The following LOC131768270 variants were observed in gnomAD, a reference collection of about 807,000 sequenced individuals.
the LOC131768270 span, chr5:140,565,735 AC>A: frequency 2.5e-6 from 1 of 394,364 alleles, no homozygotes; most frequent in Middle Eastern, 6.3e-4. Flanking sequence ...TTTCTTTGCC[AC>A]TGCCATCTCA....
At chr5:140,566,707 A>G in the LOC131768270 span, 4 of 577,230 alleles carry the variant, frequency 6.9e-6, no homozygotes, top group Admixed American at 3.2e-5. Flanking sequence ...GCTGTGCCCA[A>G]CGTGGAGAAG....
At chr5:140,568,561 G>A in the LOC131768270 span, 19 of 258,006 alleles carry the variant, frequency 7.4e-5, no homozygotes, top group Non-Finnish European at 8.2e-5. Flanking sequence ...CACTGGAGCT[G>A]GCTAGTCCAG....
the LOC131768270 span, chr5:140,567,374 C>G: frequency 2.5e-6 from 4 of 1,614,200 alleles, no homozygotes; most frequent in Middle Eastern, 1.6e-4. Flanking sequence ...CGCCTTCTCC[C>G]TTCTGGTAGG....
chr5:140,569,050 G>C, the LOC131768270 span: 1 of 167,200 alleles, frequency 6.0e-6, no homozygotes, highest in African/African-American at 2.4e-5. Flanking sequence ...TAAGCAATAA[G>C]ATCTTAATAA....
chr5:140,568,042 C>G, the LOC131768270 span: 25 of 1,613,854 alleles, frequency 1.5e-5, no homozygotes, highest in Non-Finnish European at 2.0e-5. Context: ...TGGTCAACGC[C>G]GTGCTCTCAG....
At chr5:140,567,089 G>A in the LOC131768270 span, 1 of 1,595,960 alleles carries the variant, frequency 6.3e-7, no homozygotes, top group Non-Finnish European at 8.6e-7. Context: ...CTCCTTCCTG[G>A]GAGCTGGCTC....
chr5:140,565,908 CAAG>C, the LOC131768270 span: 1 of 398,826 alleles, frequency 2.5e-6, no homozygotes, highest in Non-Finnish European at 4.4e-6. Context: ...TGGCATTTCT[CAAG>C]AACCAGCTGG....
chr5:140,566,720 A>G, the LOC131768270 span: 2 of 590,846 alleles, frequency 3.4e-6, no homozygotes, highest in Non-Finnish European at 6.0e-6. Flanking sequence ...TGGAGAAGAC[A>G]TTAAGGGACT....
the LOC131768270 span, chr5:140,567,421 C>A: frequency 1.2e-6 from 2 of 1,614,032 alleles, no homozygotes; most frequent in African/African-American, 2.7e-5. Context: ...CACCCTGGCG[C>A]CAGGCTGCTC....
At chr5:140,568,449 T>A in the LOC131768270 span, 1 of 428,926 alleles carries the variant, frequency 2.3e-6, no homozygotes, top group Non-Finnish European at 4.4e-6. Flanking sequence ...ACCCCATCCT[T>A]GTTGGGCAGC....
chr5:140,568,061 C>A, the LOC131768270 span: 2 of 1,613,964 alleles, frequency 1.2e-6, no homozygotes, highest in Non-Finnish European at 1.7e-6. Flanking sequence ...AGCAGTCCTG[C>A]TACGGCTGCA....
the LOC131768270 span, chr5:140,567,792 T>C: frequency 6.2e-7 from 1 of 1,614,114 alleles, no homozygotes; most frequent in Non-Finnish European, 8.5e-7. Context: ...TACACAGAGC[T>C]GCTCATGAAG....
the LOC131768270 span, chr5:140,565,989 C>G: frequency 2.5e-6 from 1 of 398,904 alleles, no homozygotes; most frequent in Non-Finnish European, 4.4e-6. Flanking sequence ...CTGTCCCACC[C>G]CACCCCTGCC....
chr5:140,566,937 T>C, the LOC131768270 span: 1 of 696,004 alleles, frequency 1.4e-6, no homozygotes, highest in Admixed American at 2.1e-5. Flanking sequence ...CCTGGATTCC[T>C]TCTTCCCCTT....
chr5:140,567,164 G>A, the LOC131768270 span: 1 of 1,614,214 alleles, frequency 6.2e-7, no homozygotes, highest in Non-Finnish European at 8.5e-7. Context: ...AGGGTCTTGT[G>A]TGGGTATGAG....
chr5:140,566,279 A>G, the LOC131768270 span, among the ~76,000 whole-genome samples: 3 of 152,140 alleles, frequency 2.0e-5, no homozygotes, highest in Non-Finnish European at 2.9e-5. Context: ...GGAGCATGCT[A>G]GGAAATGAGG....
the LOC131768270 span, chr5:140,565,218 A>C: frequency 3.5e-6 from 1 of 285,198 alleles, no homozygotes; most frequent in African/African-American, 2.2e-5. Flanking sequence ...CACCACCCTC[A>C]TTCAAACACT....
At chr5:140,566,665 CCTGCACTGGCATCTATGCGG>C in the LOC131768270 span, 11 of 495,324 alleles carry the variant, frequency 2.2e-5, no homozygotes, top group Non-Finnish European at 3.5e-5. Context: ...GCTGTGGGCA[CCTGCACTGGCATCTATGCGG>C]CTCAGGCATA....
At chr5:140,564,977 C>A in the LOC131768270 span, 1 of 399,332 alleles carries the variant, frequency 2.5e-6, no homozygotes, top group African/African-American at 2.1e-5. This position sits in a 1 kb window ranked among gnomAD's most constrained non-coding sequence, Gnocchi z 5.0. Context: ...CTTGTTTCTT[C>A]TGCGGCTCCT....
Sources: gnomAD v4.1 joint callset for allele counts (sites outside exome capture counted in the v4.1 genomes callset) on GRCh38, gnomAD v4.1.1 for gene constraint, Gnocchi (gnomAD v3.1) non-coding constraint, MANE v1.5 for transcripts.